The following KIAA1217 variants were observed in gnomAD, a reference collection of about 807,000 sequenced individuals.
KIAA1217 encodes sickle tail protein homolog.
In KIAA1217, 88 loss-of-function variants were observed where a neutral mutation model predicts 163.9. The ratio of observed to expected loss-of-function variants is 0.54; its 90% confidence interval spans 0.45 to 0.64. The LOEUF is 0.64. Among genes scored for constraint, KIAA1217 ranks in the 30% least tolerant of loss-of-function variants. The pLI is 0.00. For missense variants in KIAA1217, 2,372 were observed against 2,475.0 expected (o/e 0.96, Z 0.88); for synonymous variants, 903 against 923.1 (o/e 0.98, Z 0.39).
intron 2 of KIAA1217, among the ~76,000 whole-genome samples, chr10:24,271,433 T>A (rs1267938291): frequency 1.3e-5 from 2 of 152,150 alleles, no homozygotes; most frequent in African/African-American, 4.8e-5. Context: ...TGTTAGTTTA[T>A]ACTTACTCTT....
At chr10:24,266,257 T>C (rs2076225192) in intron 2 of KIAA1217, among the ~76,000 whole-genome samples, 1 of 152,106 alleles carries the variant, frequency 6.6e-6, no homozygotes, top group Non-Finnish European at 1.5e-5. Flanking sequence ...TTTTGTATTT[T>C]TAGTAGAGAC....
At chr10:24,320,517 G>A (rs772267539) in intron 2 of KIAA1217, among the ~76,000 whole-genome samples, 2 of 152,130 alleles carry the variant, frequency 1.3e-5, no homozygotes, top group African/African-American at 4.8e-5. Context: ...ATCTTCAGGA[G>A]GCCCCTATTA....
At chr10:24,169,192 G>C (rs1251044047) in intron 2 of KIAA1217, among the ~76,000 whole-genome samples, 2 of 152,176 alleles carry the variant, frequency 1.3e-5, no homozygotes, top group Admixed American at 1.3e-4. Flanking sequence ...AAATTGCCTG[G>C]AGCATTAAAG....
At chr10:23,808,621 A>C (rs887415159) in intron 1 of KIAA1217, among the ~76,000 whole-genome samples, 3 of 152,058 alleles carry the variant, frequency 2.0e-5, no homozygotes, top group Non-Finnish European at 4.4e-5. Context: ...ATCTGAGAAA[A>C]TGATGGAGAA....
intron 1 of KIAA1217, among the ~76,000 whole-genome samples, chr10:23,757,543 A>G (rs1426942870): frequency 6.6e-6 from 1 of 152,014 alleles, no homozygotes; most frequent in Non-Finnish European, 1.5e-5. Flanking sequence ...TTTGAGATGG[A>G]GTCTCACTCT....
chr10:24,050,738 T>C (rs1849443435), intron 2 of KIAA1217, among the ~76,000 whole-genome samples: 1 of 151,840 alleles, frequency 6.6e-6, no homozygotes, highest in African/African-American at 2.4e-5. Flanking sequence ...AAATTATCTC[T>C]CTTAAAATAT....
chr10:23,843,624 TG>T (rs1310648607), intron 1 of KIAA1217, among the ~76,000 whole-genome samples: 3 of 152,166 alleles, frequency 2.0e-5, no homozygotes, highest in African/African-American at 7.2e-5. Flanking sequence ...TAATTTCAGT[TG>T]GGTTTGGCCA....
intron 2 of KIAA1217, among the ~76,000 whole-genome samples, chr10:24,059,191 G>A (rs1329303315): frequency 6.6e-6 from 1 of 152,016 alleles, no homozygotes; most frequent in African/African-American, 2.4e-5. Flanking sequence ...ATTTATTTTT[G>A]TATGCTCCAC....
At chr10:23,989,287 C>T (rs924135140) in intron 1 of KIAA1217, among the ~76,000 whole-genome samples, 1 of 152,146 alleles carries the variant, frequency 6.6e-6, no homozygotes, top group Non-Finnish European at 1.5e-5. Context: ...AAGAAAAAAG[C>T]ACACAAATGT....
chr10:24,157,866 C>T, intron 2 of KIAA1217: 1 of 563,334 alleles, frequency 1.8e-6, no homozygotes, highest in Non-Finnish European at 3.3e-6. Flanking sequence ...CTCCAGGTGC[C>T]TGCATTAGGA....
chr10:23,849,628 C>A (rs547980399), intron 1 of KIAA1217, among the ~76,000 whole-genome samples: 12 of 152,218 alleles, frequency 7.9e-5, no homozygotes, highest in African/African-American at 2.9e-4. Flanking sequence ...ATATACGTAA[C>A]AAACCTGCAC....
intron 10 of KIAA1217, among the ~76,000 whole-genome samples, chr10:24,514,867 C>T (rs1228196202): frequency 4.6e-5 from 7 of 151,766 alleles, no homozygotes; most frequent in Non-Finnish European, 1.0e-4. Flanking sequence ...TGGTGTGTGC[C>T]TGTAGTCCCA....
intron 2 of KIAA1217, among the ~76,000 whole-genome samples, chr10:24,294,950 CTG>C: frequency 6.6e-6 from 1 of 152,210 alleles, no homozygotes; most frequent in Non-Finnish European, 1.5e-5. Flanking sequence ...TTCTCCCACT[CTG>C]TAAACTACTA....
chr10:24,312,245 G>C (rs1025296579), intron 2 of KIAA1217, among the ~76,000 whole-genome samples: 4 of 151,848 alleles, frequency 2.6e-5, no homozygotes, highest in African/African-American at 9.7e-5. Context: ...CACAGACATG[G>C]CCGGAAGCCT....
chr10:24,188,792 G>C (rs2066564933), intron 2 of KIAA1217, among the ~76,000 whole-genome samples: 1 of 152,152 alleles, frequency 6.6e-6, no homozygotes, highest in Non-Finnish European at 1.5e-5. Context: ...CCATGGGCTT[G>C]ATGATTGATG....
chr10:24,046,104 TA>T (rs1849003460), intron 2 of KIAA1217, among the ~76,000 whole-genome samples: 1 of 152,094 alleles, frequency 6.6e-6, no homozygotes, highest in Non-Finnish European at 1.5e-5. Flanking sequence ...TTTATTTATT[TA>T]TTTATTTATT....
At position 24,533,244 on chromosome 10, in the gene KIAA1217, G is replaced by A. The variant is rs769255166; in HGVS notation, c.3414+7G>A. ...AATAATGGCAGAACTCCAGGTATGT[G>A]GATGAGGTGACTGACATTGGCTCCT... On this transcript the variant is annotated splice_region_variant and intron_variant, in intron 16 of 20. Coordinates refer to ENST00000376454, the MANE Select transcript of KIAA1217 (RefSeq NM_019590.5). 7 of 1,600,408 alleles carry A rather than the reference G, an allele frequency of 4.4e-6. No individual in the cohort carries two copies. Among genetic ancestry groups the A allele is most frequent in the East Asian group, 2.2e-5 (1 of 44,638 alleles).
intron 1 of KIAA1217, among the ~76,000 whole-genome samples, chr10:23,837,860 GT>G (rs1454245705): frequency 6.6e-6 from 1 of 152,018 alleles, no homozygotes; most frequent in East Asian, 1.9e-4. Context: ...TAATGTACTG[GT>G]TCTTTAACCA....
chr10:24,298,889 T>A (rs983925974), intron 2 of KIAA1217, among the ~76,000 whole-genome samples: 1 of 152,168 alleles, frequency 6.6e-6, no homozygotes, highest in Non-Finnish European at 1.5e-5. Context: ...AGGGAATTCA[T>A]GTATGGGGCA....
Sources: allele counts gnomAD v4.1 joint callset (sites outside exome capture counted in the v4.1 genomes callset), GRCh38; gene constraint gnomAD v4.1.1; transcripts MANE v1.5; gene names NCBI Gene and HGNC (gene_info 2026-07-23, HGNC 2026-07-21).